Variants in CAB39L observed in about 807,000 individuals in gnomAD.
The protein encoded by CAB39L is calcium binding protein 39 like, also known as calcium-binding protein 39-like.
Under a neutral mutation model 39.1 loss-of-function variants are expected in CAB39L, and 23 were observed. The ratio of observed to expected loss-of-function variants is 0.59; its 90% CI spans 0.42 to 0.83. The LOEUF (loss-of-function observed/expected upper bound fraction) is 0.83, where lower values mean the gene tolerates loss of function less well. CAB39L is among the 40% of genes least tolerant of loss of function. CAB39L has a pLI of 0.00. For synonymous variants in CAB39L, 126 were observed against 137.2 expected, an observed-to-expected ratio of 0.92 and a Z score of 0.57; for missense variants, 366 against 391.9, an observed-to-expected ratio of 0.93 and a Z score of 0.56.
At chr13:49,385,643 C>T (rs1002052390) in intron 3 of CAB39L, among the ~76,000 whole-genome samples, 1 of 152,140 alleles carries the variant, frequency 6.6e-6, no homozygotes, top group Non-Finnish European at 1.5e-5. Context: ...TTTCCTTGAA[C>T]ACGTAGAGGC....
At chr13:49,325,816 T>C (rs1413167858) in intron 10 of CAB39L, among the ~76,000 whole-genome samples, 1 of 149,176 alleles carries the variant, frequency 6.7e-6, no homozygotes, top group Non-Finnish European at 1.5e-5. Flanking sequence ...ATAAATAATA[T>C]TAAAAAGTGG....
At chr13:49,347,270 A>T (rs1207469135) in intron 7 of CAB39L, among the ~76,000 whole-genome samples, 1 of 152,230 alleles carries the variant, frequency 6.6e-6, no homozygotes, top group East Asian at 1.9e-4. Flanking sequence ...AATACAAATC[A>T]AAACACCATT....
chr13:49,375,048 A>C (rs1956017788), intron 5 of CAB39L, among the ~76,000 whole-genome samples: 1 of 152,218 alleles, frequency 6.6e-6, no homozygotes, highest in African/African-American at 2.4e-5. Context: ...AACAAAAACA[A>C]ACCAGCTTAC....
intron 1 of CAB39L, among the ~76,000 whole-genome samples, chr13:49,436,781 G>T (rs1360418520): frequency 6.6e-6 from 1 of 151,758 alleles, no homozygotes. Context: ...CATTTGTTTT[G>T]CAGTTTTGAA....
chr13:49,332,927 G>T (rs1434304233), intron 9 of CAB39L, among the ~76,000 whole-genome samples: 1 of 151,838 alleles, frequency 6.6e-6, no homozygotes, highest in Non-Finnish European at 1.5e-5. Context: ...CTATTTACTG[G>T]ACTTTTTCTG....
rs192901258 is a variant in CAB39L, at chr13:49,414,709, T to C, written c.-32+18609A>G. Among the ~76,000 whole-genome samples, 677 of 152,310 alleles carry C rather than the reference T, an allele frequency of 4.4e-3. 3 individuals are homozygous for C. The highest frequency in any genetic ancestry group is 0.015 in the African/African-American group (631 of 41,578). The stretch of plus-strand genomic sequence containing the variant: ...GTACAGAGACATGCATAATTTTATA[T>C]AGATAAAAGACTAGAAGGAAATACA... On this transcript the variant is annotated intron_variant, in intron 3 of 10. Coordinates refer to ENST00000409308, the MANE Select transcript of CAB39L (RefSeq NM_001079670.3).
intron 3 of CAB39L, among the ~76,000 whole-genome samples, chr13:49,402,218 G>C (rs1184541356): frequency 6.6e-6 from 1 of 152,084 alleles, no homozygotes; most frequent in Non-Finnish European, 1.5e-5. Flanking sequence ...AAAGTCTAAA[G>C]GCTACAAAAA....
At chr13:49,355,608 T>C (rs947013778) in intron 6 of CAB39L, among the ~76,000 whole-genome samples, 8 of 151,968 alleles carry the variant, frequency 5.3e-5, no homozygotes, top group African/African-American at 1.9e-4. Flanking sequence ...TCTCAGAAAC[T>C]ATTTTAGTGA....
chr13:49,406,664 GAAAA>G (rs1053647794), intron 3 of CAB39L, among the ~76,000 whole-genome samples: 1 of 150,966 alleles, frequency 6.6e-6, no homozygotes, highest in Non-Finnish European at 1.5e-5. Context: ...CACCTTAATT[GAAAA>G]AAAAGTCACT....
chr13:49,321,582 G>A (rs1447188981), intron 10 of CAB39L, among the ~76,000 whole-genome samples: 3 of 152,120 alleles, frequency 2.0e-5, no homozygotes, highest in Non-Finnish European at 4.4e-5. Context: ...GGGTGCTTCC[G>A]CTAGTGACTA....
intron 3 of CAB39L, among the ~76,000 whole-genome samples, chr13:49,390,701 G>A (rs1956470474): frequency 6.6e-6 from 1 of 152,038 alleles, no homozygotes. Flanking sequence ...AACATTCTTG[G>A]AACTAAGAAC....
chr13:49,405,279 T>C (rs916068550), intron 3 of CAB39L, among the ~76,000 whole-genome samples: 1 of 152,086 alleles, frequency 6.6e-6, no homozygotes, highest in Non-Finnish European at 1.5e-5. Context: ...GTAAGACATA[T>C]TTGAAGGTCT....
At chr13:49,415,668 A>C (rs912498122) in intron 3 of CAB39L, among the ~76,000 whole-genome samples, 2 of 152,106 alleles carry the variant, frequency 1.3e-5, no homozygotes, top group African/African-American at 4.8e-5. Flanking sequence ...TTTTAAGGGC[A>C]CAGGAAGGGT....
intron 3 of CAB39L, among the ~76,000 whole-genome samples, chr13:49,423,679 C>A (rs957227830): frequency 1.3e-5 from 2 of 152,060 alleles, no homozygotes; most frequent in Non-Finnish European, 2.9e-5. Flanking sequence ...AACAAGTAAG[C>A]AACTCTCTTC....
At chr13:49,326,259 G>C (rs1954494114) in intron 10 of CAB39L, among the ~76,000 whole-genome samples, 1 of 152,182 alleles carries the variant, frequency 6.6e-6, no homozygotes, top group South Asian at 2.1e-4. Context: ...GGGAGAGTCA[G>C]GACCAGAGAC....
chr13:49,377,973 G>C (rs1329203714), intron 4 of CAB39L, among the ~76,000 whole-genome samples: 2 of 75,048 alleles, frequency 2.7e-5, no homozygotes, highest in East Asian at 2.3e-4. Flanking sequence ...GCCGCCCATC[G>C]TCTGAGATGT....
At chr13:49,313,374 G>A (rs1050068791) in intron 10 of CAB39L, among the ~76,000 whole-genome samples, 2 of 151,946 alleles carry the variant, frequency 1.3e-5, no homozygotes, top group Admixed American at 6.6e-5. Flanking sequence ...CCAGCTACTC[G>A]GGAGGCTGTG....
chr13:49,389,891 C>T (rs1395989541), intron 3 of CAB39L, among the ~76,000 whole-genome samples: 3 of 152,068 alleles, frequency 2.0e-5, no homozygotes, highest in Non-Finnish European at 4.4e-5. Flanking sequence ...TGTGTAATAA[C>T]CGCTTGCTGC....
At chr13:49,407,532 G>T (rs1032502988) in intron 3 of CAB39L, among the ~76,000 whole-genome samples, 3 of 151,544 alleles carry the variant, frequency 2.0e-5, no homozygotes, top group Non-Finnish European at 4.4e-5. Flanking sequence ...GGTTTGTCAT[G>T]ATCCCCCCCC....
Sources: allele counts gnomAD v4.1 joint callset (sites outside exome capture counted in the v4.1 genomes callset), GRCh38; gene constraint gnomAD v4.1.1; transcripts MANE v1.5; gene names NCBI Gene and HGNC (gene_info 2026-07-23, HGNC 2026-07-21).